OTUD7B: variants seen among roughly 807,000 people sequenced by gnomAD.
OTUD7B encodes OTU deubiquitinase 7B.
OTUD7B carries 34 observed loss-of-function variants against 82.2 expected under a neutral mutation model. The observed-to-expected ratio is 0.41, with a 90% CI of 0.31 to 0.55. The LOEUF is 0.55. OTUD7B is among the 20% of genes least tolerant of loss of function. The probability of loss-of-function intolerance (pLI) is 0.20; values close to 1 mark genes in which losing one functional copy is unlikely to be tolerated. For missense variants in OTUD7B, 944 were observed against 1,062.1 expected, an observed-to-expected ratio of 0.89 and a Z score of 1.55; for synonymous variants, 398 against 402.7, an observed-to-expected ratio of 0.99 and a Z score of 0.14.
the OTUD7B span, among the ~76,000 whole-genome samples, chr1:150,033,963 G>A: frequency 2.0e-5 from 3 of 151,888 alleles, no homozygotes; most frequent in Non-Finnish European, 2.9e-5. Context: ...CTTATGATCC[G>A]CCCACCTCAG....
chr1:150,050,089 C>T, the OTUD7B span, among the ~76,000 whole-genome samples: 1 of 151,858 alleles, frequency 6.6e-6, no homozygotes, highest in East Asian at 1.9e-4. Context: ...GTGTTACGTG[C>T]CAGTAGAGGC....
In OTUD7B at chr1:149,977,441, G is replaced by A. The variant is rs782563016; in HGVS notation, c.70C>T (p.Arg24Ter). ...AACTCCTCACCTTCTAGGAGATCTC[G>A]CGCTAGCCCTGGCTCTGCTCCTGTG... is the stretch of plus-strand genomic sequence containing the variant. ...RSTGAEPGLARDLLEGKNWDV... is the reference protein window; with the variant it reads ...RSTGAEPGLA Residue 24 changes from arginine (R) to a stop codon, truncating the protein, a stop_gained, in exon 2 of 12, where the codon CGA becomes TGA. Coordinates refer to ENST00000581312, the MANE Select transcript of OTUD7B (RefSeq NM_020205.4). LOFTEE classifies it high-confidence loss of function. The A allele has an allele frequency of 5.0e-6, 8 of 1,612,872 alleles. No individual in the cohort carries two copies. Among genetic ancestry groups the A allele is most frequent in the African/African-American group, 4.0e-5 (3 of 74,810 alleles).
rs1285754351 is a variant in OTUD7B at position 149,944,781 on chromosome 1, C to T, written c.1608G>A (p.Gly536=). The change falls in exon 12 of 12, where the codon GGG becomes GGA. Residue 536 remains glycine, a synonymous_variant. Transcript: ENST00000581312. ...TGCCGCTGCTTCCTCCCAACCCTGT[C>T]CCCACCCCTCCAGGCTTTGAACCCT... The part of the protein sequence containing the change: ...HSKGSKPGGV[G]TGLGGSSGTE... 4 of 1,613,970 alleles carry T rather than the reference C, an allele frequency of 2.5e-6. No homozygotes were observed. The highest frequency in any genetic ancestry group is 3.4e-6 in the Non-Finnish European group (4 of 1,180,030).
chr1:150,018,982 C>A, the OTUD7B span, among the ~76,000 whole-genome samples: 1 of 152,160 alleles, frequency 6.6e-6, no homozygotes, highest in East Asian at 1.9e-4. Flanking sequence ...AAAGCACAGT[C>A]TAGTGAGTTG....
the OTUD7B span, chr1:150,054,246 GA>G: frequency 3.8e-5 from 17 of 451,778 alleles, no homozygotes; most frequent in African/African-American, 8.1e-5. Flanking sequence ...TTGAGCCAAG[GA>G]AAAAAACCCT....
chr1:149,950,977 ATTTTTTTT>A (rs1458504169), intron 7 of OTUD7B, among the ~76,000 whole-genome samples: 1 of 22,404 alleles, frequency 4.5e-5, no homozygotes, highest in Non-Finnish European at 8.3e-5. Context: ...TACTTTTTGT[ATTTTTTTT>A]TTTTTTTTTT....
the OTUD7B span, among the ~76,000 whole-genome samples, chr1:150,027,786 A>C: frequency 6.6e-6 from 1 of 152,024 alleles, no homozygotes; most frequent in Non-Finnish European, 1.5e-5. Flanking sequence ...TTTCTTTATT[A>C]TTTCCCTATG....
intron 7 of OTUD7B, among the ~76,000 whole-genome samples, chr1:149,954,191 A>G (rs969703754): frequency 6.6e-6 from 1 of 152,114 alleles, no homozygotes; most frequent in Non-Finnish European, 1.5e-5. Context: ...GTTTGTCATA[A>G]ATAGCTCTTA....
At chr1:149,983,005 C>T (rs1333136702) in intron 1 of OTUD7B, among the ~76,000 whole-genome samples, 3 of 152,060 alleles carry the variant, frequency 2.0e-5, no homozygotes, top group African/African-American at 7.2e-5. Flanking sequence ...CAGGCGCCTG[C>T]CACCACACCC....
At chr1:150,040,521 G>C in the OTUD7B span, among the ~76,000 whole-genome samples, 147 of 152,138 alleles carry the variant, frequency 9.7e-4, no homozygotes, top group Non-Finnish European at 1.7e-3. Context: ...AAATGAGATT[G>C]ATACAAGTAT....
intron 1 of OTUD7B, among the ~76,000 whole-genome samples, chr1:149,988,180 C>T (rs1651285385): frequency 6.6e-6 from 1 of 151,988 alleles, no homozygotes; most frequent in African/African-American, 2.4e-5. Flanking sequence ...TCTACTTTCT[C>T]CCCCTAAGTC....
chr1:150,064,715 T>G, the OTUD7B span, among the ~76,000 whole-genome samples: 1 of 152,184 alleles, frequency 6.6e-6, no homozygotes, highest in Admixed American at 6.5e-5. Flanking sequence ...TGTTATCAAG[T>G]AGGAAATCTA....
chr1:149,995,081 C>G (rs1054371795), intron 1 of OTUD7B, among the ~76,000 whole-genome samples: 14 of 152,170 alleles, frequency 9.2e-5, no homozygotes, highest in Admixed American at 8.5e-4. Context: ...AGAAGCTGCT[C>G]TAGAAAGACA....
At chr1:150,022,966 T>G in the OTUD7B span, among the ~76,000 whole-genome samples, 4 of 152,164 alleles carry the variant, frequency 2.6e-5, no homozygotes, top group Non-Finnish European at 5.9e-5. Context: ...GGCAAGAGAT[T>G]TATCACAATT....
In OTUD7B at chr1:149,971,224, A is replaced by C; in HGVS notation, c.113T>G (p.Leu38Arg). The change falls in exon 3 of 12, where the codon CTC (leucine) becomes CGC (arginine). Residue 38 changes from leucine (L) to arginine (R), a missense_variant. This residue lies in a region of OTUD7B where 530 missense variants were observed against 625.6 expected (regional missense o/e 0.85). Coordinates refer to ENST00000581312, the MANE Select transcript of OTUD7B (RefSeq NM_020205.4). Reference sequence around the variant, plus strand: ...TTGACGTAGCTGTTCAAAATCACTGAGGGCGGCATTCACATCCCAATTCTT... The same window carrying C: ...TTGACGTAGCTGTTCAAAATCACTGCGGGCGGCATTCACATCCCAATTCTT... ...EGKNWDVNAA[L>R]SDFEQLRQVH... 6.2e-7 allele frequency: 1 copy of C among 1,611,732 alleles called. No individual in the cohort carries two copies. Among genetic ancestry groups the C allele is most frequent in the South Asian group, 1.1e-5 (1 of 90,932 alleles).
At chr1:149,974,223 G>A (rs587702288) in intron 2 of OTUD7B, among the ~76,000 whole-genome samples, 46 of 152,094 alleles carry the variant, frequency 3.0e-4, no homozygotes, top group African/African-American at 1.0e-3. Context: ...GTGCCACCAC[G>A]CCCACCTAAG....
At chr1:150,060,601 T>C in the OTUD7B span, among the ~76,000 whole-genome samples, 1 of 152,318 alleles carries the variant, frequency 6.6e-6, no homozygotes, top group East Asian at 1.9e-4. Context: ...ATACAAGATA[T>C]GCAATAGGTA....
the OTUD7B span, among the ~76,000 whole-genome samples, chr1:150,027,285 G>A: frequency 6.6e-6 from 1 of 152,090 alleles, no homozygotes; most frequent in Admixed American, 6.6e-5. Flanking sequence ...ATAATACCAT[G>A]CAGAAATATA....
At chr1:150,043,064 G>A in the OTUD7B span, among the ~76,000 whole-genome samples, 1 of 152,060 alleles carries the variant, frequency 6.6e-6, no homozygotes, top group Non-Finnish European at 1.5e-5. Flanking sequence ...TCAAAGCAAA[G>A]TCCAGAGACC....
Sources: allele counts gnomAD v4.1 joint callset (sites outside exome capture counted in the v4.1 genomes callset), GRCh38; gene constraint gnomAD v4.1.1; regional missense constraint gnomAD v4.1.1; transcripts MANE v1.5; gene names NCBI Gene and HGNC (gene_info 2026-07-23, HGNC 2026-07-21).